Variants in CTTNBP2 observed in about 807,000 individuals in gnomAD.
The protein encoded by CTTNBP2 is cortactin-binding protein 2.
A neutral mutation model predicts 156.9 loss-of-function variants in CTTNBP2; 108 were observed. The ratio of observed to expected loss-of-function variants is 0.69; its 90% CI spans 0.59 to 0.81. The LOEUF (loss-of-function observed/expected upper bound fraction) is 0.81, where lower values mean the gene tolerates loss of function less well. Among genes scored for constraint, CTTNBP2 ranks in the 30% least tolerant of loss-of-function variants. The pLI is 0.00. For synonymous variants in CTTNBP2, 767 were observed against 751.8 expected (o/e 1.02, Z -0.33); for missense variants, 1,924 against 2,035.4 (o/e 0.95, Z 1.05).
intron 2 of CTTNBP2, among the ~76,000 whole-genome samples, chr7:117,832,472 C>T (rs1481430844): frequency 6.6e-6 from 1 of 152,108 alleles, no homozygotes; most frequent in Non-Finnish European, 1.5e-5. Context: ...AATAATACTA[C>T]AGCCCAAACC....
chr7:117,717,760 T>C (rs1481129782), intron 22 of CTTNBP2, among the ~76,000 whole-genome samples: 1 of 149,376 alleles, frequency 6.7e-6, no homozygotes, highest in Non-Finnish European at 1.5e-5. Context: ...AAAAAAAACA[T>C]GGAGATCTCA....
At chr7:117,751,738 C>T (rs1198336840) in intron 12 of CTTNBP2, among the ~76,000 whole-genome samples, 1 of 152,150 alleles carries the variant, frequency 6.6e-6, no homozygotes, top group Non-Finnish European at 1.5e-5. Context: ...GACAGGTCCC[C>T]ATTTATTGAT....
Position 117,745,073 on chromosome 7 carries a change from T to C in CTTNBP2, c.3535+758A>G, listed in dbSNP as rs187120138. 8.1e-4 allele frequency among the ~76,000 whole-genome samples: 123 copies of C among 152,376 alleles called. 1 individual carries two copies. The highest frequency in any genetic ancestry group is 1.1e-3 in the Admixed American group (17 of 15,306). On this transcript the variant is annotated intron_variant, in intron 14 of 22. Transcript: ENST00000160373. ...AGTTTTGTGTCAGAGTCACTAGTTA[T>C]GCTATTCTACAGTATGCAATGCAGG...
At chr7:117,781,794 A>G (rs6946763) in intron 6 of CTTNBP2, among the ~76,000 whole-genome samples, 40,822 of 152,080 alleles carry the variant, frequency 0.27, 9,835 homozygotes, top group African/African-American at 0.65. Flanking sequence ...CCTGTTTGCA[A>G]AGTTATCCAT....
intron 3 of CTTNBP2, among the ~76,000 whole-genome samples, chr7:117,809,070 C>T (rs557117363): frequency 6.6e-6 from 1 of 152,104 alleles, no homozygotes; most frequent in African/African-American, 2.4e-5. Flanking sequence ...GGAGACACAC[C>T]ACTGGCTCAT....
intron 7 of CTTNBP2, 150 bp from the exon 8 acceptor site, chr7:117,777,915 G>T: frequency 1.4e-6 from 1 of 707,746 alleles, no homozygotes; most frequent in Non-Finnish European, 2.4e-6. Context: ...TCACTGATGA[G>T]CTGGGTAAAG....
intron 14 of CTTNBP2, among the ~76,000 whole-genome samples, chr7:117,743,395 G>T (rs34024028): frequency 0.098 from 14,930 of 152,126 alleles, 2,391 homozygotes; most frequent in African/African-American, 0.34. Context: ...TAGTGATTAA[G>T]GTCAGGCTTA....
At position 117,844,501 on chromosome 7, in the gene CTTNBP2, G is replaced by A. The variant is rs183957097; in HGVS notation, c.189+16708C>T. 1.1e-4 allele frequency among the ~76,000 whole-genome samples: 17 copies of A among 152,294 alleles called. No homozygotes were observed. The East Asian group carries it at 3.3e-3, about 29-fold the overall frequency. Reference sequence around the variant, plus strand: ...TTTTTCCTGAAAACTACAAAAATGAGTGATTTTTGGTTAGAACGGTGTTGG... The same window carrying A: ...TTTTTCCTGAAAACTACAAAAATGAATGATTTTTGGTTAGAACGGTGTTGG... On this transcript the variant is annotated intron_variant, in intron 2 of 22. Coordinates refer to ENST00000160373, the MANE Select transcript of CTTNBP2 (RefSeq NM_033427.3).
intron 2 of CTTNBP2, among the ~76,000 whole-genome samples, chr7:117,840,839 A>C (rs1282555807): frequency 1.3e-5 from 2 of 152,132 alleles, no homozygotes; most frequent in African/African-American, 4.8e-5. Flanking sequence ...ATGGACTCTG[A>C]AGGAAGAATG....
At chr7:117,814,828 CT>C (rs1315886421) in intron 2 of CTTNBP2, among the ~76,000 whole-genome samples, 1 of 152,108 alleles carries the variant, frequency 6.6e-6, no homozygotes, top group Non-Finnish European at 1.5e-5. Context: ...AAAACAGTGG[CT>C]TTGTATTTGT....
intron 8 of CTTNBP2, among the ~76,000 whole-genome samples, chr7:117,769,119 C>T (rs1797676253): frequency 6.6e-6 from 1 of 152,172 alleles, no homozygotes. Context: ...AAAGAGCTTT[C>T]AAAAGTGCCT....
chr7:117,853,415 A>G (rs1803056923), intron 2 of CTTNBP2, among the ~76,000 whole-genome samples: 1 of 152,226 alleles, frequency 6.6e-6, no homozygotes, highest in South Asian at 2.1e-4. Flanking sequence ...TGCACACTGT[A>G]TATGAGCACA....
Position 117,782,136 on chromosome 7 carries a change from G to T in CTTNBP2, c.2372+726C>A, listed in dbSNP as rs1584995468. On this transcript the variant is annotated intron_variant, in intron 6 of 22. Transcript: ENST00000160373. ...ATTTGTTAAAGAACATTCCTATCGGGACAGTTAGATTAAAAAGTTAAAAGC... is the reference window on the plus strand; with the variant it reads ...ATTTGTTAAAGAACATTCCTATCGGTACAGTTAGATTAAAAAGTTAAAAGC... 2.0e-5 allele frequency among the ~76,000 whole-genome samples: 3 copies of T among 152,232 alleles called. No individual in the cohort carries two copies. In the South Asian group the frequency reaches 6.2e-4, roughly 32 times the overall value.
chr7:117,751,306 A>G (rs1342893795), intron 12 of CTTNBP2, among the ~76,000 whole-genome samples: 3 of 152,250 alleles, frequency 2.0e-5, no homozygotes, highest in African/African-American at 4.8e-5. Flanking sequence ...CTTGTCACAC[A>G]TAGTGTGAGG....
At chr7:117,738,211 A>G (rs2116507701) in intron 14 of CTTNBP2, among the ~76,000 whole-genome samples, 1 of 152,312 alleles carries the variant, frequency 6.6e-6, no homozygotes, top group Admixed American at 6.5e-5. Context: ...GGCATTTTGT[A>G]AAAGCTCCCT....
rs1338880908 is a variant in CTTNBP2, at chr7:117,791,592, G to A, written c.1604C>T (p.Ala535Val). The A allele has an allele frequency of 6.2e-7, 1 of 1,614,168 alleles. No homozygotes were observed. Among genetic ancestry groups the A allele is most frequent in the Non-Finnish European group, 8.5e-7 (1 of 1,180,014 alleles). The stretch of plus-strand genomic sequence containing the variant: ...AGGAGGATTTCCTCTGTCAACTCGT[G>A]CTACACCATGAGTCTTTAAACTGGT... ...GRTSLKTHGV[A>V]RVDRGNPPPI... Residue 535 changes from alanine (A) to valine (V), a missense_variant, in exon 4 of 23, where the codon GCA becomes GTA. Coordinates refer to ENST00000160373, the MANE Select transcript of CTTNBP2 (RefSeq NM_033427.3).
chr7:117,833,577 C>T (rs774492338), intron 2 of CTTNBP2, among the ~76,000 whole-genome samples: 1 of 152,172 alleles, frequency 6.6e-6, no homozygotes, highest in Non-Finnish European at 1.5e-5. Context: ...CTCTAAAAAG[C>T]CTTTCCTAAC....
At chr7:117,761,301 C>T (rs1321314994) in intron 9 of CTTNBP2, among the ~76,000 whole-genome samples, 1 of 152,146 alleles carries the variant, frequency 6.6e-6, no homozygotes, top group African/African-American at 2.4e-5. Flanking sequence ...TTTACATATT[C>T]TTATGTGGTA....
chr7:117,760,755 G>GA (rs753891379), intron 9 of CTTNBP2, 45 bp from the exon 10 acceptor site: 1,099 of 1,277,562 alleles, frequency 8.6e-4, no homozygotes, highest in Non-Finnish European at 1.0e-3. Context: ...AATCTGGACA[G>GA]AAAAAAAAAG....
Sources: allele counts gnomAD v4.1 joint callset (sites outside exome capture counted in the v4.1 genomes callset), GRCh38; gene constraint gnomAD v4.1.1; transcripts MANE v1.5; gene names NCBI Gene and HGNC (gene_info 2026-07-23, HGNC 2026-07-21).